BCAT1: variants seen among roughly 807,000 people sequenced by gnomAD.
BCAT1 encodes branched chain amino acid transaminase 1.
BCAT1 carries 48 observed loss-of-function variants against 52.4 expected under a neutral mutation model. The observed-to-expected ratio is 0.92, with a 90% CI of 0.73 to 1.16. The LOEUF (loss-of-function observed/expected upper bound fraction) is 1.16. Ranked by LOEUF, BCAT1 falls within the 50% of genes most tolerant of loss-of-function variation. The pLI is 0.00. For missense variants in BCAT1, 451 were observed against 457.1 expected, an observed-to-expected ratio of 0.99 and a Z score of 0.12; for synonymous variants, 167 against 161.3, an observed-to-expected ratio of 1.04 and a Z score of -0.27.
intron 7 of BCAT1, among the ~76,000 whole-genome samples, chr12:24,837,350 A>T (rs1235324833): frequency 6.6e-6 from 1 of 152,084 alleles, no homozygotes; most frequent in African/African-American, 2.4e-5. Flanking sequence ...AAACCTTCTA[A>T]GAATGCTATG....
intron 8 of BCAT1, among the ~76,000 whole-genome samples, chr12:24,833,168 T>A (rs977743116): frequency 2.0e-5 from 3 of 152,198 alleles, no homozygotes; most frequent in Admixed American, 6.5e-5. Context: ...TGTTAACTTG[T>A]ATAAAGTCTC....
At chr12:24,939,540 A>G (rs10771144) in intron 1 of BCAT1, among the ~76,000 whole-genome samples, 63,208 of 152,076 alleles carry the variant, frequency 0.42, 14,112 homozygotes, top group East Asian at 0.68. Flanking sequence ...GGTCTTAACT[A>G]AAATTTGCTT....
At chr12:24,916,018 G>A (rs977692511) in intron 1 of BCAT1, among the ~76,000 whole-genome samples, 22 of 152,214 alleles carry the variant, frequency 1.4e-4, no homozygotes, top group Non-Finnish European at 2.9e-4. Flanking sequence ...AATTAGCTGG[G>A]AGTAGCAACA....
At chr12:24,899,662 G>T (rs114805348) in intron 2 of BCAT1, among the ~76,000 whole-genome samples, 1,982 of 151,952 alleles carry the variant, frequency 0.013, 44 homozygotes, top group African/African-American at 0.045. Flanking sequence ...ATAAAATGTG[G>T]TGCATATACA....
At chr12:24,890,807 CT>C (rs1186181893) in intron 3 of BCAT1, among the ~76,000 whole-genome samples, 1 of 152,178 alleles carries the variant, frequency 6.6e-6, no homozygotes, top group Non-Finnish European at 1.5e-5. Context: ...AGTAGCCATT[CT>C]TTTTTTCCTT....
At chr12:24,837,074 A>G (rs569524768) in intron 7 of BCAT1, among the ~76,000 whole-genome samples, 4 of 95,176 alleles carry the variant, frequency 4.2e-5, no homozygotes, top group Admixed American at 9.8e-5. Flanking sequence ...GGAAAGAAAG[A>G]GAGAGGGAGG....
At chr12:24,879,840 C>T (rs557347797) in intron 4 of BCAT1, among the ~76,000 whole-genome samples, 4 of 152,330 alleles carry the variant, frequency 2.6e-5, no homozygotes, top group Non-Finnish European at 4.4e-5. Flanking sequence ...TTCTTAGCAA[C>T]GCCTTACTGC....
At chr12:24,901,782 T>C in intron 2 of BCAT1, 32 bp downstream of exon 2, 7 of 1,604,594 alleles carry the variant, frequency 4.4e-6, no homozygotes, top group Non-Finnish European at 6.0e-6. Flanking sequence ...TGAACGTTGC[T>C]TTAGACACTA....
rs1245203518 is a variant in BCAT1 at position 24,887,080 on chromosome 12, A to AAAAAAAAAAAAT, written c.280-5670_280-5669insATTTTTTTTTTT. ...GCTAGCTAAAAAAAAAAAAAAAAAA[A>AAAAAAAAAAAAT]ATATATATATATATATATATATATA... On this transcript the variant is annotated intron_variant, in intron 3 of 10. Transcript: ENST00000261192. 4.7e-3 allele frequency among the ~76,000 whole-genome samples: 192 copies of AAAAAAAAAAAAT among 40,682 alleles called. 3 individuals are homozygous for AAAAAAAAAAAAT. Among genetic ancestry groups the AAAAAAAAAAAAT allele is most frequent in the Non-Finnish European group, 8.2e-3 (156 of 19,012 alleles). 26.7% of individuals were successfully genotyped at this position (40,682 alleles called of 152,430 possible). A position where few individuals can be genotyped will look rare whatever the true frequency, so the allele number is the denominator to read the frequency against.
In BCAT1 at chr12:24,811,244, TA is replaced by T. The variant is rs1387261876; in HGVS notation, c.*6763del. On this transcript the variant is annotated 3_prime_UTR_variant, in exon 11 of 11. Transcript: ENST00000261192. ...CAATTCTCTCTGTGTCATTTTGGTG[TA>T]AAAATACTATCCTACATTTACTTCC... The T allele has an allele frequency of 1.3e-5, 2 of 152,180 alleles. No homozygotes were observed. Among genetic ancestry groups the T allele is most frequent in the African/African-American group, 4.8e-5 (2 of 41,446 alleles). 9.4% of individuals were successfully genotyped at this position (152,180 alleles called of 1,614,324 possible). A position where few individuals can be genotyped will look rare whatever the true frequency, so the allele number is the denominator to read the frequency against.
chr12:24,873,548 T>C (rs1161509909), intron 5 of BCAT1, among the ~76,000 whole-genome samples: 1 of 152,234 alleles, frequency 6.6e-6, no homozygotes, highest in African/African-American at 2.4e-5. Flanking sequence ...TGTATTTATG[T>C]ATTATAGGCT....
chr12:24,844,653 C>G (rs1242810216), intron 6 of BCAT1, among the ~76,000 whole-genome samples: 1 of 151,628 alleles, frequency 6.6e-6, no homozygotes, highest in Non-Finnish European at 1.5e-5. Context: ...AATCCCAGCA[C>G]TTTGGGAGGC....
At chr12:24,848,546 G>A (rs1306688041) in intron 6 of BCAT1, among the ~76,000 whole-genome samples, 3 of 152,248 alleles carry the variant, frequency 2.0e-5, no homozygotes, top group South Asian at 2.1e-4. Flanking sequence ...ACAGGTCGGG[G>A]AGCTAGAAAG....
intron 1 of BCAT1, among the ~76,000 whole-genome samples, chr12:24,944,503 C>T (rs566013270): frequency 2.2e-4 from 33 of 152,286 alleles, no homozygotes; most frequent in Middle Eastern, 6.8e-3. Context: ...TCTAGAATAT[C>T]CCAACAGGTG....
At position 24,812,487 on chromosome 12, in the gene BCAT1, C is replaced by G. The variant is rs576568167; in HGVS notation, c.*5521G>C. 3.0e-4 allele frequency: 46 copies of G among 152,102 alleles called. No individual in the cohort carries two copies. The highest frequency in any genetic ancestry group is 1.8e-3 in the Admixed American group (27 of 15,282). 9.4% of individuals were successfully genotyped at this position (152,102 alleles called of 1,614,324 possible). A position where few individuals can be genotyped will look rare whatever the true frequency, so the allele number is the denominator to read the frequency against. On this transcript the variant is annotated 3_prime_UTR_variant, in exon 11 of 11. Coordinates refer to ENST00000261192, the MANE Select transcript of BCAT1 (RefSeq NM_005504.7). ...AGTTGATAATAATCTAAAGTGGTTT[C>G]TATGTAACACAACCTTCAGATTATA...
At chr12:24,818,433 G>C (rs1939968739) in intron 10 of BCAT1, among the ~76,000 whole-genome samples, 1 of 152,078 alleles carries the variant, frequency 6.6e-6, no homozygotes, top group African/African-American at 2.4e-5. Flanking sequence ...CTGTGAAAAA[G>C]TGATCCTCAA....
chr12:24,831,403 C>T (rs979748547), intron 9 of BCAT1, among the ~76,000 whole-genome samples: 7 of 152,102 alleles, frequency 4.6e-5, no homozygotes, highest in African/African-American at 1.7e-4. Context: ...AATACCAGCA[C>T]TTTGGGAGGT....
At chr12:24,890,163 A>T (rs1801192463) in intron 3 of BCAT1, among the ~76,000 whole-genome samples, 1 of 152,158 alleles carries the variant, frequency 6.6e-6, no homozygotes, top group Admixed American at 6.5e-5. Flanking sequence ...GGGTCATGGG[A>T]ACTCCAACTT....
intron 5 of BCAT1, among the ~76,000 whole-genome samples, chr12:24,852,081 A>G (rs1346526424): frequency 3.9e-5 from 6 of 152,098 alleles, no homozygotes; most frequent in African/African-American, 1.4e-4. Context: ...ATGGTTTAAA[A>G]GTGTGTGGCA....
Sources: allele counts gnomAD v4.1 joint callset (sites outside exome capture counted in the v4.1 genomes callset), GRCh38; gene constraint gnomAD v4.1.1; transcripts MANE v1.5; gene names NCBI Gene and HGNC (gene_info 2026-07-23, HGNC 2026-07-21).